TRAPPC9: variants seen among roughly 807,000 people sequenced by gnomAD.
The protein encoded by TRAPPC9 is trafficking protein particle complex subunit 9, also known as IKK2 binding protein.
Under a neutral mutation model 124.0 loss-of-function variants are expected in TRAPPC9, and 83 were observed. The ratio of observed to expected loss-of-function variants is 0.67; its 90% CI spans 0.56 to 0.80. The LOEUF is 0.80. TRAPPC9 is among the 30% of genes least tolerant of loss of function. The probability of loss-of-function intolerance (pLI) is 0.00; values close to 1 mark genes in which losing one functional copy is unlikely to be tolerated. For synonymous variants in TRAPPC9, 638 were observed against 617.5 expected (o/e 1.03, Z -0.49); for missense variants, 1,302 against 1,508.3 (o/e 0.86, Z 2.27).
chr8:140,228,746 A>C lies in TRAPPC9; in HGVS notation c.2432-7163T>G, dbSNP rs77307290. On this transcript the variant is annotated intron_variant, in intron 16 of 22. Transcript: ENST00000438773. The stretch of plus-strand genomic sequence containing the variant: ...AAACTTAGACTGTGGGGACGATTGC[A>C]CAACCCTGTGGATACACTAAAAGTG... Among the ~76,000 whole-genome samples, 642 of 152,344 alleles carry C rather than the reference A, an allele frequency of 4.2e-3. 5 individuals are homozygous for C. The highest frequency in any genetic ancestry group is 0.014 in the African/African-American group (601 of 41,584).
intron 21 of TRAPPC9, among the ~76,000 whole-genome samples, chr8:139,751,401 C>T (rs1448675589): frequency 6.6e-6 from 1 of 152,158 alleles, no homozygotes; most frequent in African/African-American, 2.4e-5. Flanking sequence ...CCTGCATATC[C>T]CTGCTGCTGG....
At chr8:140,256,091 G>C in intron 15 of TRAPPC9, among the ~76,000 whole-genome samples, 1 of 152,236 alleles carries the variant, frequency 6.6e-6, no homozygotes, top group East Asian at 1.9e-4. Context: ...CTTCAGTCAA[G>C]CTTTGGGGGC....
At chr8:140,138,710 T>C (rs963654487) in intron 17 of TRAPPC9, among the ~76,000 whole-genome samples, 2 of 152,212 alleles carry the variant, frequency 1.3e-5, no homozygotes, top group Non-Finnish European at 2.9e-5. Context: ...CCAGCAGAGA[T>C]ACACAATAGC....
intron 17 of TRAPPC9, among the ~76,000 whole-genome samples, chr8:140,125,587 C>CTTTGTTTTTTTTTTTTT (rs2061078294): frequency 1.5e-5 from 1 of 67,814 alleles, no homozygotes; most frequent in Non-Finnish European, 2.7e-5. Flanking sequence ...GAATCTCATT[C>CTTTGTTTTTTTTTTTTT]TTTTTTTTTT....
At chr8:139,985,650 C>T (rs189296630) in intron 19 of TRAPPC9, among the ~76,000 whole-genome samples, 9 of 152,236 alleles carry the variant, frequency 5.9e-5, no homozygotes, top group Admixed American at 5.9e-4. Flanking sequence ...CCATAAATGT[C>T]CCCCAAGCCA....
intron 21 of TRAPPC9, among the ~76,000 whole-genome samples, chr8:139,790,156 T>C (rs912210906): frequency 5.9e-5 from 9 of 152,150 alleles, no homozygotes; most frequent in Non-Finnish European, 1.3e-4. Context: ...CACTGGGAAA[T>C]TGAATCTTAT....
At chr8:140,069,784 GA>G (rs1390039057) in intron 17 of TRAPPC9, among the ~76,000 whole-genome samples, 4 of 152,160 alleles carry the variant, frequency 2.6e-5, no homozygotes, top group Non-Finnish European at 4.4e-5. Context: ...AGAACCAGAG[GA>G]GCTGCAGGTC....
rs1323638008 is a variant in TRAPPC9, at chr8:140,063,897, C to T, written c.2557-39818G>A. ...ATGCAAGGCACACGGGTGGCCCTGC[C>T]TCCCGAAACATGCTGGCCCCTGCTC... On this transcript the variant is annotated intron_variant, in intron 17 of 22. Transcript: ENST00000438773. The surrounding 1 kb of genome is among the most constrained non-coding windows in gnomAD (Gnocchi z 4.3). Among the ~76,000 whole-genome samples the T allele has an allele frequency of 6.6e-6, 1 of 152,126 alleles. No individual in the cohort carries two copies. Among genetic ancestry groups the T allele is most frequent in the Non-Finnish European group, 1.5e-5 (1 of 68,022 alleles).
intron 7 of TRAPPC9, among the ~76,000 whole-genome samples, chr8:140,391,712 CAAA>C (rs1238939604): frequency 2.1e-4 from 16 of 75,416 alleles, no homozygotes; most frequent in Admixed American, 3.4e-4. Context: ...AACTCTGTCT[CAAA>C]AAAAAAAAAA....
intron 17 of TRAPPC9, among the ~76,000 whole-genome samples, chr8:140,199,450 T>C (rs971005939): frequency 7.0e-6 from 1 of 143,824 alleles, no homozygotes; most frequent in Non-Finnish European, 1.5e-5. Context: ...TTAAGTAACC[T>C]GCCTGATGTC....
chr8:139,948,156 G>A (rs1335243497), intron 19 of TRAPPC9, among the ~76,000 whole-genome samples: 2 of 151,436 alleles, frequency 1.3e-5, no homozygotes, highest in Admixed American at 1.3e-4. Context: ...CGGGAACTAC[G>A]TTGTACCAGG....
rs1162121791 is a variant in TRAPPC9 at position 140,435,213 on chromosome 8, G to A, written c.758C>T (p.Ser253Phe). The A allele has an allele frequency of 6.2e-7, 1 of 1,613,970 alleles. No homozygotes were observed. The highest frequency in any genetic ancestry group is 1.7e-5 in the Admixed American group (1 of 59,994). ...TCCACCAGGATAGTGATAGATGACAGAAGCTGAACACAATCCTTCCAGGGC... is the reference window on the plus strand; with the variant it reads ...TCCACCAGGATAGTGATAGATGACAAAAGCTGAACACAATCCTTCCAGGGC... ...GAALEGLCSA[S>F]VIYHYPGGTG... Residue 253 changes from serine to phenylalanine, a missense_variant, in exon 4 of 23, where the codon TCT (serine) becomes TTT (phenylalanine). Around this residue, in one of 3 missense-constraint regions of TRAPPC9, gnomAD observed 657 missense variants for 811.2 expected, o/e 0.81. Coordinates refer to ENST00000438773, the MANE Select transcript of TRAPPC9 (RefSeq NM_001160372.4).
intron 9 of TRAPPC9, among the ~76,000 whole-genome samples, chr8:140,330,557 T>C (rs533922850): frequency 6.6e-6 from 1 of 152,332 alleles, no homozygotes; most frequent in South Asian, 2.1e-4. Flanking sequence ...TGAATATTTT[T>C]CCTTGTTCCT....
At chr8:139,762,665 T>G (rs894080622) in intron 21 of TRAPPC9, among the ~76,000 whole-genome samples, 1 of 152,198 alleles carries the variant, frequency 6.6e-6, no homozygotes, top group Non-Finnish European at 1.5e-5. Flanking sequence ...CTGACTGAAA[T>G]GGCATGTGGT....
At chr8:139,760,663 T>A (rs1056126763) in intron 21 of TRAPPC9, among the ~76,000 whole-genome samples, 2 of 152,172 alleles carry the variant, frequency 1.3e-5, no homozygotes, top group African/African-American at 4.8e-5. Context: ...AGCCCTCAGG[T>A]GACATCTGAT....
chr8:139,758,568 G>A (rs866071678), intron 21 of TRAPPC9, among the ~76,000 whole-genome samples: 1 of 152,182 alleles, frequency 6.6e-6, no homozygotes. Context: ...GGCAAACGGG[G>A]TACGAGGGAA....
intron 21 of TRAPPC9, among the ~76,000 whole-genome samples, chr8:139,799,737 C>T (rs1484675691): frequency 6.6e-6 from 1 of 152,230 alleles, no homozygotes; most frequent in Non-Finnish European, 1.5e-5. Flanking sequence ...GAATGTCCTA[C>T]CCCGGCCTGG....
At position 139,907,290 on chromosome 8, in the gene TRAPPC9, A is replaced by ACTTGG. The variant is rs1831421429; in HGVS notation, c.2964+2856_2964+2857insCCAAG. 6.6e-6 allele frequency among the ~76,000 whole-genome samples: 1 copy of ACTTGG among 152,160 alleles called. No individual in the cohort carries two copies. The highest frequency in any genetic ancestry group is 1.5e-5 in the Non-Finnish European group (1 of 68,030). On this transcript the variant is annotated intron_variant, in intron 20 of 22. Coordinates refer to ENST00000438773, the MANE Select transcript of TRAPPC9 (RefSeq NM_001160372.4). The surrounding 1 kb of genome is among the most constrained non-coding windows in gnomAD (Gnocchi z 4.7). ...CTTTAAAACGCATCTATCCAGACCC[A>ACTTGG]TGCGCTACAGGTGGGCAACTGCTAC...
chr8:140,457,372 C>A (rs950129534), intron 1 of TRAPPC9, among the ~76,000 whole-genome samples: 1 of 152,210 alleles, frequency 6.6e-6, no homozygotes, highest in Non-Finnish European at 1.5e-5. Flanking sequence ...GGGTCCCGGA[C>A]AGGTGTCCGC....
Sources: gnomAD v4.1 joint callset for allele counts (sites outside exome capture counted in the v4.1 genomes callset) on GRCh38, gnomAD v4.1.1 for gene constraint, gnomAD v4.1.1 regional missense constraint, Gnocchi (gnomAD v3.1) non-coding constraint, MANE v1.5 for transcripts, NCBI Gene and HGNC (gene_info 2026-07-23, HGNC 2026-07-21) for gene names.